Variants in DIAPH2 observed in about 807,000 individuals in gnomAD.
The protein encoded by DIAPH2 is protein diaphanous homolog 2.
DIAPH2 carries 35 observed loss-of-function variants against 92.7 expected under a neutral mutation model. The ratio of observed to expected loss-of-function variants is 0.38; its 90% CI spans 0.29 to 0.50. The LOEUF (loss-of-function observed/expected upper bound fraction) is 0.50, where lower values mean the gene tolerates loss of function less well. Among genes scored for constraint, DIAPH2 ranks in the 20% least tolerant of loss-of-function variants. The pLI is 0.94. For synonymous variants in DIAPH2, 301 were observed against 280.4 expected, an observed-to-expected ratio of 1.07 and a Z score of -0.73; for missense variants, 701 against 819.5, an observed-to-expected ratio of 0.86 and a Z score of 1.77.
At chrX:97,012,317 C>A (rs2066232878) in intron 17 of DIAPH2, among the ~76,000 whole-genome samples, 1 of 111,809 alleles carries the variant, frequency 8.9e-6, no homozygotes. Context: ...TACATGCATT[C>A]TCTGATTTAA....
At chrX:97,592,931 G>A (rs1166536822) in intron 26 of DIAPH2, among the ~76,000 whole-genome samples, 1 of 111,810 alleles carries the variant, frequency 8.9e-6, no homozygotes, top group African/African-American at 3.2e-5. Context: ...GGATTTATTT[G>A]CATGTAATGA....
Position 97,217,839 on chromosome X carries a change from G to A in DIAPH2, c.2720-29876G>A, listed in dbSNP as rs773950970. On this transcript the variant is annotated intron_variant, in intron 22 of 26. Transcript: ENST00000324765. The stretch of plus-strand genomic sequence containing the variant: ...CAAGCGCCTGTAGTCCCAGCTACTC[G>A]GGAGGCTGAGGCAGAAGAATCGCTT... Among the ~76,000 whole-genome samples the A allele has an allele frequency of 5.4e-5, 6 of 110,228 alleles. No homozygotes were observed. In the South Asian group the frequency reaches 2.4e-3, roughly 44 times the overall value.
chrX:97,319,412 G>T (rs1451891605), intron 23 of DIAPH2, among the ~76,000 whole-genome samples: 1 of 103,630 alleles, frequency 9.6e-6, no homozygotes, highest in Non-Finnish European at 2.0e-5. Context: ...TTTTTGAGAC[G>T]GAGTCTCGCT....
rs754460283 is a variant in DIAPH2 at position 96,862,046 on chromosome X, A to G, written c.448-19533A>G. The stretch of plus-strand genomic sequence containing the variant: ...CTTCTCCTACAAAGGCTTTTTGGAC[A>G]TCTGGGTTGCATCCTCCTATGTGCT... On this transcript the variant is annotated intron_variant, in intron 4 of 26. Coordinates refer to ENST00000324765, the MANE Select transcript of DIAPH2 (RefSeq NM_006729.5). Among the ~76,000 whole-genome samples the G allele has an allele frequency of 7.2e-5, 8 of 111,526 alleles. No individual in the cohort carries two copies. The East Asian group carries it at 2.3e-3, about 32-fold the overall frequency.
chrX:97,560,949 A>G (rs989269587), intron 26 of DIAPH2, among the ~76,000 whole-genome samples: 1 of 112,581 alleles, frequency 8.9e-6, no homozygotes, highest in Non-Finnish European at 1.9e-5. Context: ...ACTTCATATC[A>G]TGAATGTAGA....
At chrX:97,527,070 T>C (rs190236830) in intron 26 of DIAPH2, among the ~76,000 whole-genome samples, 1 of 111,981 alleles carries the variant, frequency 8.9e-6, no homozygotes, top group East Asian at 2.8e-4. Context: ...AATAGTAGCA[T>C]GTTGATCAGG....
chrX:97,548,527 C>CA (rs1454989740), intron 26 of DIAPH2, among the ~76,000 whole-genome samples: 1 of 112,393 alleles, frequency 8.9e-6, no homozygotes, highest in Non-Finnish European at 1.9e-5. Flanking sequence ...CACTCAGTGA[C>CA]ATGGCCCAGT....
At chrX:97,452,257 T>C (rs746359632) in intron 26 of DIAPH2, among the ~76,000 whole-genome samples, 7 of 111,929 alleles carry the variant, frequency 6.3e-5, no homozygotes, top group South Asian at 7.4e-4. Context: ...TTTTTCTGAT[T>C]GAAGTGTTCA....
intron 1 of DIAPH2, among the ~76,000 whole-genome samples, chrX:96,688,961 A>G (rs1210140726): frequency 1.8e-5 from 2 of 110,049 alleles, no homozygotes; most frequent in African/African-American, 6.6e-5. Context: ...AGGAAAAAAA[A>G]AAAAGCAGTG....
intron 4 of DIAPH2, among the ~76,000 whole-genome samples, chrX:96,810,901 A>G (rs2064674215): frequency 8.9e-6 from 1 of 111,825 alleles, no homozygotes; most frequent in Non-Finnish European, 1.9e-5. Context: ...TACCAGTACC[A>G]TGCTGTTTTG....
chrX:97,574,584 G>A (rs1354641083), intron 26 of DIAPH2, among the ~76,000 whole-genome samples: 1 of 111,509 alleles, frequency 9.0e-6, no homozygotes, highest in Non-Finnish European at 1.9e-5. Context: ...GAGTTTCTTG[G>A]GTAGGAAAAG....
At chrX:96,961,821 C>A (rs1004426105) in intron 16 of DIAPH2, among the ~76,000 whole-genome samples, 4 of 109,973 alleles carry the variant, frequency 3.6e-5, no homozygotes, top group Non-Finnish European at 7.6e-5. Context: ...TATGTACTTG[C>A]ATAGTTTCTG....
At chrX:97,029,678 G>A (rs1184036617) in intron 17 of DIAPH2, among the ~76,000 whole-genome samples, 3 of 110,124 alleles carry the variant, frequency 2.7e-5, no homozygotes, top group Non-Finnish European at 5.7e-5. Context: ...TTTCCATGTG[G>A]CTATCCAGCA....
chrX:97,594,814 A>AATG (rs1167441197), intron 26 of DIAPH2, among the ~76,000 whole-genome samples: 6 of 112,280 alleles, frequency 5.3e-5, no homozygotes, highest in African/African-American at 1.9e-4. Context: ...ACTAGTATAT[A>AATG]ATGTTAGGTC....
At chrX:97,028,551 C>T (rs187362093) in intron 17 of DIAPH2, among the ~76,000 whole-genome samples, 1 of 112,296 alleles carries the variant, frequency 8.9e-6, no homozygotes, top group Non-Finnish European at 1.9e-5. Flanking sequence ...AATGGAATTA[C>T]ATAATCTGTG....
intron 23 of DIAPH2, among the ~76,000 whole-genome samples, chrX:97,344,895 A>G (rs1429349775): frequency 1.8e-5 from 2 of 112,107 alleles, no homozygotes; most frequent in African/African-American, 6.5e-5. Flanking sequence ...TGCAATATGC[A>G]AACAGTTTAG....
intron 21 of DIAPH2, among the ~76,000 whole-genome samples, chrX:97,137,907 T>C (rs2067184165): frequency 8.9e-6 from 1 of 112,229 alleles, no homozygotes; most frequent in South Asian, 3.7e-4. Flanking sequence ...TCTATGCGGT[T>C]AGGTTAAATT....
chrX:97,096,012 A>G (rs2066866287), intron 19 of DIAPH2, among the ~76,000 whole-genome samples: 1 of 112,253 alleles, frequency 8.9e-6, no homozygotes, highest in Non-Finnish European at 1.9e-5. Flanking sequence ...TTTGAAAAAA[A>G]AATATGCACA....
intron 23 of DIAPH2, among the ~76,000 whole-genome samples, chrX:97,288,332 A>G (rs1187032944): frequency 9.0e-6 from 1 of 111,634 alleles, no homozygotes; most frequent in Non-Finnish European, 1.9e-5. Flanking sequence ...TGGAAGCAGT[A>G]AGGTTAAAGG....
Sources: allele counts gnomAD v4.1 joint callset (sites outside exome capture counted in the v4.1 genomes callset), GRCh38; gene constraint gnomAD v4.1.1; transcripts MANE v1.5; gene names NCBI Gene and HGNC (gene_info 2026-07-23, HGNC 2026-07-21).